Variants in GABRB2 observed in about 807,000 individuals in gnomAD.
GABRB2 encodes gamma-aminobutyric acid type A receptor subunit beta2.
GABRB2 carries 16 observed loss-of-function variants against 54.7 expected under a neutral mutation model. That is an observed-to-expected ratio of 0.29 (90% confidence interval 0.20 to 0.44). The LOEUF is 0.44. GABRB2 is among the 20% of genes least tolerant of loss of function. The pLI, the probability that GABRB2 is intolerant of heterozygous loss-of-function variation, is 1.00. For synonymous variants in GABRB2, 244 were observed against 233.8 expected, an observed-to-expected ratio of 1.04 and a Z score of -0.40; for missense variants, 355 against 644.0, an observed-to-expected ratio of 0.55 and a Z score of 4.86.
At chr5:161,384,684 T>A (rs1755570208) in intron 5 of GABRB2, among the ~76,000 whole-genome samples, 2 of 152,186 alleles carry the variant, frequency 1.3e-5, no homozygotes, top group Non-Finnish European at 2.9e-5. Flanking sequence ...GATAATTGTG[T>A]CAAAGCCCAG....
chr5:161,398,568 AT>A (rs1561636462), intron 5 of GABRB2, among the ~76,000 whole-genome samples: 1 of 152,114 alleles, frequency 6.6e-6, no homozygotes, highest in Non-Finnish European at 1.5e-5. Flanking sequence ...TACCATCAGC[AT>A]GTGCCACTAA....
intron 3 of GABRB2, among the ~76,000 whole-genome samples, chr5:161,501,431 T>C (rs1365487481): frequency 6.6e-6 from 1 of 152,146 alleles, no homozygotes. Flanking sequence ...TTCTTTTGAG[T>C]GCTTTATTTT....
chr5:161,350,315 TTTTAGA>T (rs1202112960), intron 5 of GABRB2, among the ~76,000 whole-genome samples: 5 of 152,058 alleles, frequency 3.3e-5, no homozygotes, highest in Admixed American at 3.3e-4. Context: ...ACCAAAAATT[TTTTAGA>T]GCTAATACAC....
intron 4 of GABRB2, among the ~76,000 whole-genome samples, chr5:161,415,935 T>TTGTTTTGTTTTGTTG (rs1756653186): frequency 6.6e-6 from 1 of 150,900 alleles, no homozygotes; most frequent in Non-Finnish European, 1.5e-5. Context: ...TTGTTTTGTT[T>TTGTTTTGTTTTGTTG]TGTTTTGTTT....
At chr5:161,429,184 T>C (rs960757261) in intron 4 of GABRB2, among the ~76,000 whole-genome samples, 2 of 149,400 alleles carry the variant, frequency 1.3e-5, no homozygotes, top group Non-Finnish European at 3.0e-5. Context: ...CCATCTCTAC[T>C]AAAAATACAA....
At chr5:161,366,752 C>T (rs1419513924) in intron 5 of GABRB2, among the ~76,000 whole-genome samples, 3 of 152,144 alleles carry the variant, frequency 2.0e-5, no homozygotes, top group Admixed American at 1.3e-4. Flanking sequence ...TTGAGACCAG[C>T]CTGGCCAACA....
At chr5:161,388,403 G>A (rs968427721) in intron 5 of GABRB2, among the ~76,000 whole-genome samples, 2 of 152,018 alleles carry the variant, frequency 1.3e-5, no homozygotes, top group South Asian at 2.1e-4. Context: ...ATAGCCTATC[G>A]AAATTTTTCA....
intron 3 of GABRB2, among the ~76,000 whole-genome samples, chr5:161,542,658 G>A (rs1272573287): frequency 1.3e-5 from 2 of 152,144 alleles, no homozygotes; most frequent in East Asian, 1.9e-4. Flanking sequence ...AATTTAAATG[G>A]TCTGGTTCCC....
intron 4 of GABRB2, among the ~76,000 whole-genome samples, chr5:161,424,043 G>A (rs1756927409): frequency 6.6e-6 from 1 of 152,128 alleles, no homozygotes; most frequent in African/African-American, 2.4e-5. Context: ...TTAATTCCAT[G>A]AAGGCTATGA....
intron 5 of GABRB2, among the ~76,000 whole-genome samples, chr5:161,355,289 T>C (rs1561619789): frequency 6.7e-6 from 1 of 148,356 alleles, no homozygotes; most frequent in Admixed American, 6.8e-5. Context: ...ATATAATATA[T>C]AGAAAATATA....
intron 3 of GABRB2, among the ~76,000 whole-genome samples, chr5:161,522,891 T>C (rs1411828558): frequency 6.6e-6 from 1 of 151,550 alleles, no homozygotes; most frequent in Non-Finnish European, 1.5e-5. Context: ...TAAACACAGG[T>C]CATGAGTGTT....
intron 4 of GABRB2, among the ~76,000 whole-genome samples, chr5:161,458,352 G>A (rs1758023157): frequency 6.6e-6 from 1 of 152,116 alleles, no homozygotes; most frequent in African/African-American, 2.4e-5. Flanking sequence ...TGTGAGCAGT[G>A]CCTGTATCTA....
At chr5:161,498,677 C>T (rs530880354) in intron 3 of GABRB2, among the ~76,000 whole-genome samples, 1 of 152,018 alleles carries the variant, frequency 6.6e-6, no homozygotes, top group Non-Finnish European at 1.5e-5. Flanking sequence ...TCCAAACTCC[C>T]TCATGGCCTT....
At chr5:161,357,516 GA>G (rs2113445710) in intron 5 of GABRB2, among the ~76,000 whole-genome samples, 1 of 47,242 alleles carries the variant, frequency 2.1e-5, no homozygotes, top group Admixed American at 2.8e-4. Flanking sequence ...TGAGAGTTTT[GA>G]GCAAAAAAAA....
intron 3 of GABRB2, among the ~76,000 whole-genome samples, chr5:161,497,904 T>C (rs1759306494): frequency 6.6e-6 from 1 of 152,108 alleles, no homozygotes; most frequent in Non-Finnish European, 1.5e-5. Flanking sequence ...CTGTCACTTG[T>C]CTATCTCTTT....
intron 3 of GABRB2, among the ~76,000 whole-genome samples, chr5:161,490,016 G>A (rs1759053023): frequency 1.3e-5 from 2 of 151,582 alleles, no homozygotes; most frequent in South Asian, 2.1e-4. Context: ...TGTTTGTGCT[G>A]TAAGCATAGA....
At chr5:161,534,733 C>T (rs1309025396) in intron 3 of GABRB2, among the ~76,000 whole-genome samples, 1 of 151,912 alleles carries the variant, frequency 6.6e-6, no homozygotes, top group Non-Finnish European at 1.5e-5. Context: ...GAGATGTAAA[C>T]TTTATGATTA....
At chr5:161,480,335 A>G (rs1006165639) in intron 3 of GABRB2, among the ~76,000 whole-genome samples, 1 of 152,026 alleles carries the variant, frequency 6.6e-6, no homozygotes, top group Non-Finnish European at 1.5e-5. Flanking sequence ...TATGTAGATA[A>G]TAATAATAGA....
At chr5:161,301,964 T>A (rs1240307934) in intron 9 of GABRB2, among the ~76,000 whole-genome samples, 1 of 152,246 alleles carries the variant, frequency 6.6e-6, no homozygotes, top group Non-Finnish European at 1.5e-5. Context: ...ATTCTGGAAA[T>A]CATGCTTTAT....
Sources: gnomAD v4.1 joint callset for allele counts (sites outside exome capture counted in the v4.1 genomes callset) on GRCh38, gnomAD v4.1.1 for gene constraint, MANE v1.5 for transcripts, NCBI Gene and HGNC (gene_info 2026-07-23, HGNC 2026-07-21) for gene names.